Variants in CSMD1 observed in about 807,000 individuals in gnomAD.
CSMD1 encodes the protein CUB and Sushi multiple domains 1.
In CSMD1, 213 loss-of-function variants were observed where a neutral mutation model predicts 417.5. The observed-to-expected ratio is 0.51, with a 90% CI of 0.46 to 0.57. The LOEUF (loss-of-function observed/expected upper bound fraction) is 0.57, where lower values mean the gene tolerates loss of function less well. CSMD1 is among the 20% of genes least tolerant of loss of function. The pLI is 0.00. For missense variants in CSMD1, 6,923 were observed against 4,529.7 expected (o/e 1.53, Z -15.17); for synonymous variants, 2,862 against 1,736.8 (o/e 1.65, Z -16.11).
At chr8:3,652,731 A>T (rs550262442) in intron 7 of CSMD1, among the ~76,000 whole-genome samples, 1 of 152,270 alleles carries the variant, frequency 6.6e-6, no homozygotes, top group African/African-American at 2.4e-5. Context: ...CCCCGCCCCT[A>T]ACAAGTGGGG....
intron 52 of CSMD1, among the ~76,000 whole-genome samples, chr8:3,004,479 A>G (rs1205685433): frequency 1.3e-5 from 2 of 152,222 alleles, no homozygotes; most frequent in Admixed American, 1.3e-4. Flanking sequence ...TTAGTCTACT[A>G]GTAATCTGAA....
At chr8:3,856,612 T>C (rs898689293) in intron 5 of CSMD1, among the ~76,000 whole-genome samples, 1 of 152,162 alleles carries the variant, frequency 6.6e-6, no homozygotes, top group Non-Finnish European at 1.5e-5. Context: ...TTATAGTCCT[T>C]TTCTATGGTG....
intron 11 of CSMD1, among the ~76,000 whole-genome samples, chr8:3,480,904 C>A (rs900037806): frequency 1.3e-5 from 2 of 151,826 alleles, no homozygotes; most frequent in African/African-American, 4.8e-5. Context: ...CGCCTGTAAT[C>A]CCAGCACTTT....
chr8:2,982,134 T>A (rs1162335086), intron 54 of CSMD1, among the ~76,000 whole-genome samples: 1 of 152,088 alleles, frequency 6.6e-6, no homozygotes, highest in African/African-American at 2.4e-5. Context: ...GGTGGGCAGA[T>A]CATTTGAGGT....
At chr8:3,492,491 A>G (rs1818440708) in intron 11 of CSMD1, among the ~76,000 whole-genome samples, 2 of 152,030 alleles carry the variant, frequency 1.3e-5, no homozygotes, top group African/African-American at 2.4e-5. Context: ...TAGTGGTTTC[A>G]AGATCTACAA....
chr8:3,555,420 C>G (rs888484086), intron 10 of CSMD1, among the ~76,000 whole-genome samples: 1 of 152,078 alleles, frequency 6.6e-6, no homozygotes, highest in Admixed American at 6.5e-5. Flanking sequence ...ACCTGCTCTT[C>G]CTGATGAGGG....
intron 1 of CSMD1, among the ~76,000 whole-genome samples, chr8:4,711,777 T>A (rs985348510): frequency 6.6e-6 from 1 of 152,202 alleles, no homozygotes; most frequent in African/African-American, 2.4e-5. Context: ...GCTTTTGTTT[T>A]TTGTTTTTAA....
intron 3 of CSMD1, among the ~76,000 whole-genome samples, chr8:4,099,912 T>C (rs894749839): frequency 5.3e-5 from 8 of 152,178 alleles, no homozygotes; most frequent in Non-Finnish European, 4.4e-5. Context: ...GAGACTTTTC[T>C]AACAAAAAAT....
rs563634071 is a variant in CSMD1, at chr8:3,491,464, A to G, written c.1448+2159T>C. On this transcript the variant is annotated intron_variant, in intron 11 of 69. Coordinates refer to ENST00000635120, the MANE Select transcript of CSMD1 (RefSeq NM_033225.6). ...CATAAAAGTTAGCTAGGACATTACT[A>G]GTGTTATTCTCATCATTATTATAAT... Among the ~76,000 whole-genome samples, 18 of 152,332 alleles carry G rather than the reference A, an allele frequency of 1.2e-4. 1 individual carries two copies. In the South Asian group the frequency reaches 3.7e-3, roughly 32 times the overall value.
At chr8:3,965,307 A>G (rs1327701845) in intron 5 of CSMD1, among the ~76,000 whole-genome samples, 1 of 152,168 alleles carries the variant, frequency 6.6e-6, no homozygotes, top group Non-Finnish European at 1.5e-5. Flanking sequence ...GGGTTTCTGA[A>G]ATGCTACCAT....
intron 8 of CSMD1, among the ~76,000 whole-genome samples, chr8:3,599,967 T>C (rs1438095469): frequency 6.6e-6 from 1 of 152,188 alleles, no homozygotes; most frequent in Admixed American, 6.5e-5. Flanking sequence ...CTACAATTCA[T>C]TGATGGCAAG....
At chr8:3,879,894 G>A (rs936474177) in intron 5 of CSMD1, among the ~76,000 whole-genome samples, 4 of 151,888 alleles carry the variant, frequency 2.6e-5, no homozygotes, top group African/African-American at 9.7e-5. Flanking sequence ...TTGTATTCAC[G>A]TTTTTATCCC....
intron 5 of CSMD1, among the ~76,000 whole-genome samples, chr8:3,930,641 C>G (rs1222635599): frequency 6.7e-6 from 1 of 150,206 alleles, no homozygotes. Context: ...ATAAGTGACC[C>G]TGTCTCCTTT....
intron 3 of CSMD1, among the ~76,000 whole-genome samples, chr8:4,153,039 T>A (rs942767035): frequency 2.6e-5 from 4 of 152,212 alleles, no homozygotes; most frequent in African/African-American, 9.6e-5. Context: ...GTAAAATGAC[T>A]TGTAACGTGT....
intron 29 of CSMD1, among the ~76,000 whole-genome samples, chr8:3,218,137 C>G (rs1350392358): frequency 6.6e-6 from 1 of 152,110 alleles, no homozygotes; most frequent in African/African-American, 2.4e-5. Flanking sequence ...TATAGCAAAT[C>G]AAGGGTAAAT....
intron 1 of CSMD1, among the ~76,000 whole-genome samples, chr8:4,897,792 A>G (rs1347029564): frequency 1.3e-5 from 2 of 152,164 alleles, no homozygotes; most frequent in Non-Finnish European, 2.9e-5. Flanking sequence ...ATATGCCAGT[A>G]GATGATACAG....
intron 23 of CSMD1, among the ~76,000 whole-genome samples, chr8:3,330,638 T>C (rs1327338756): frequency 6.6e-6 from 1 of 152,152 alleles, no homozygotes; most frequent in Non-Finnish European, 1.5e-5. Context: ...CAAACATAAC[T>C]AATGGGTACT....
intron 5 of CSMD1, among the ~76,000 whole-genome samples, chr8:3,778,541 C>T (rs1011410687): frequency 6.6e-6 from 1 of 152,218 alleles, no homozygotes; most frequent in Non-Finnish European, 1.5e-5. Context: ...TGTGCCTGTG[C>T]ACGCTCTTGC....
intron 9 of CSMD1, among the ~76,000 whole-genome samples, chr8:3,585,310 C>A (rs75297689): frequency 0.024 from 3,641 of 152,216 alleles, 151 homozygotes; most frequent in African/African-American, 0.08. Context: ...AGTCCATTCA[C>A]GTGAAAAGAC....
Sources: gnomAD v4.1 joint callset for allele counts (sites outside exome capture counted in the v4.1 genomes callset) on GRCh38, gnomAD v4.1.1 for gene constraint, MANE v1.5 for transcripts, NCBI Gene and HGNC (gene_info 2026-07-23, HGNC 2026-07-21) for gene names.